Variants in PCDH15 observed in about 807,000 individuals in gnomAD.
The protein encoded by PCDH15 is protocadherin-15.
PCDH15 carries 129 observed loss-of-function variants against 178.5 expected under a neutral mutation model. That is an observed-to-expected ratio of 0.72 (90% CI 0.63 to 0.84). PCDH15 has a LOEUF of 0.84. Ranked by LOEUF, PCDH15 falls within the 40% of genes least tolerant of loss-of-function variation. The pLI is 0.00. For missense variants in PCDH15, 2,230 were observed against 2,099.9 expected, an observed-to-expected ratio of 1.06 and a Z score of -1.21; for synonymous variants, 800 against 732.0, an observed-to-expected ratio of 1.09 and a Z score of -1.50.
chr10:53,995,756 C>G lies in PCDH15; in HGVS notation c.2761G>C (p.Asp921His). ...CGTTTACTAAAGACAGGAGGATAAT[C>G]ATTCATATCCTGTAAAACACAATTA... ...TVTVIVKDMN[D>H]YPPVFSKRIY... Residue 921 changes from aspartate to histidine, a missense_variant, in exon 21 of 38, where the codon GAT (aspartate) becomes CAT (histidine). By Grantham distance (81) the Asp-to-His change is moderately conservative. Transcript: ENST00000644397. 6.2e-7 allele frequency: 1 copy of G among 1,613,418 alleles called. No individual in the cohort carries two copies. The highest frequency in any genetic ancestry group is 8.5e-7 in the Non-Finnish European group (1 of 1,179,436).
chr10:55,560,555 A>G (rs2132098280), intron 2 of PCDH15, among the ~76,000 whole-genome samples: 1 of 152,052 alleles, frequency 6.6e-6, no homozygotes, highest in African/African-American at 2.4e-5. Context: ...TGATTATGAC[A>G]CCATATATCC....
chr10:54,649,201 G>A (rs1240490668), intron 2 of PCDH15, among the ~76,000 whole-genome samples: 1 of 152,156 alleles, frequency 6.6e-6, no homozygotes, highest in Non-Finnish European at 1.5e-5. Flanking sequence ...GAGCAAAGAA[G>A]AGAGGAAATA....
rs529215060 is a variant in PCDH15 at position 54,812,273 on chromosome 10, CT to C, written c.-29+85176del. Among the ~76,000 whole-genome samples, 624 of 134,740 alleles carry C rather than the reference CT, an allele frequency of 4.6e-3. 1 individual carries two copies. Among genetic ancestry groups the C allele is most frequent in the African/African-American group, 0.013 (483 of 36,362 alleles). 88.4% of individuals were successfully genotyped at this position (134,740 alleles called of 152,430 possible). A position where few individuals can be genotyped will look rare whatever the true frequency, so the allele number is the denominator to read the frequency against. On this transcript the variant is annotated intron_variant, in intron 3 of 5. Coordinates refer to the PCDH15 transcript ENST00000458638. The stretch of plus-strand genomic sequence containing the variant: ...TTGCCACCTTCTTCTCTTCCTCTTC[CT>C]TTTTTTTTTTTTTTTTGAGACAGTC...
chr10:54,696,418 T>C (rs1443799640), intron 1 of PCDH15, among the ~76,000 whole-genome samples: 1 of 152,136 alleles, frequency 6.6e-6, no homozygotes, highest in East Asian at 1.9e-4. Context: ...ATAAAATCTA[T>C]TCCTGGTGAA....
At chr10:54,694,703 G>A (rs1048746946) in intron 1 of PCDH15, among the ~76,000 whole-genome samples, 4 of 152,042 alleles carry the variant, frequency 2.6e-5, no homozygotes, top group African/African-American at 9.7e-5. Context: ...CATAGAAGAT[G>A]ATAAACTTAA....
At chr10:54,328,740 A>T (rs566838192) in intron 7 of PCDH15, among the ~76,000 whole-genome samples, 1 of 152,048 alleles carries the variant, frequency 6.6e-6, no homozygotes, top group Non-Finnish European at 1.5e-5. Flanking sequence ...TGGCCATGGT[A>T]CACAAATACC....
At chr10:54,822,009 C>A (rs1450402902) in intron 3 of PCDH15, among the ~76,000 whole-genome samples, 3 of 152,014 alleles carry the variant, frequency 2.0e-5, no homozygotes, top group South Asian at 2.1e-4. Flanking sequence ...ATTTTAATAA[C>A]CTTTTTATGT....
chr10:55,015,152 C>T (rs1840140355), intron 2 of PCDH15, among the ~76,000 whole-genome samples: 1 of 151,972 alleles, frequency 6.6e-6, no homozygotes, highest in Non-Finnish European at 1.5e-5. Context: ...GCCCAGCTAC[C>T]TGGGAGGCTG....
At chr10:53,894,282 C>A (rs1182691524) in intron 26 of PCDH15, among the ~76,000 whole-genome samples, 2 of 152,038 alleles carry the variant, frequency 1.3e-5, no homozygotes, top group Non-Finnish European at 2.9e-5. Flanking sequence ...GGCAATGCAC[C>A]CTCAGACACC....
At chr10:55,508,669 G>T (rs1179241515) in intron 2 of PCDH15, among the ~76,000 whole-genome samples, 2 of 151,658 alleles carry the variant, frequency 1.3e-5, no homozygotes, top group African/African-American at 4.8e-5. Context: ...TTTCTAAACT[G>T]GTTGGGGAAA....
rs1205122509 is a variant in PCDH15, at chr10:53,809,498, T to C, written c.4671+1058A>G. ...GTTACAACTACTTCTTCCTCCTCAC[T>C]AGGCTCTCTAATTTCAACCTTTGGT... On this transcript the variant is annotated intron_variant, in intron 37 of 37. Coordinates refer to ENST00000644397, the MANE Select transcript of PCDH15 (RefSeq NM_001384140.1). The C allele has an allele frequency of 3.1e-6, 5 of 1,613,258 alleles. No individual in the cohort carries two copies. In the South Asian group the frequency reaches 3.3e-5, roughly 11 times the overall value.
chr10:55,345,604 T>C (rs1435866173), intron 2 of PCDH15, among the ~76,000 whole-genome samples: 2 of 152,004 alleles, frequency 1.3e-5, no homozygotes, highest in Admixed American at 1.3e-4. Flanking sequence ...GATAGAAAAA[T>C]CAAATTTTTT....
intron 2 of PCDH15, among the ~76,000 whole-genome samples, chr10:55,076,453 G>C (rs1841890183): frequency 6.7e-6 from 1 of 148,358 alleles, no homozygotes; most frequent in African/African-American, 2.5e-5. Flanking sequence ...TATCTTCTTG[G>C]TGACTCTTTT....
chr10:55,377,439 C>T (rs1034071297), intron 2 of PCDH15, among the ~76,000 whole-genome samples: 1 of 151,720 alleles, frequency 6.6e-6, no homozygotes, highest in Non-Finnish European at 1.5e-5. Context: ...TATTTAAAAA[C>T]AGGAAAATTT....
At chr10:55,234,827 T>A (rs1302473450) in intron 1 of PCDH15, among the ~76,000 whole-genome samples, 1 of 152,124 alleles carries the variant, frequency 6.6e-6, no homozygotes, top group African/African-American at 2.4e-5. Context: ...AGAGTGGTAA[T>A]AAACATTAGT....
intron 2 of PCDH15, among the ~76,000 whole-genome samples, chr10:54,616,890 T>C (rs80248160): frequency 6.6e-6 from 1 of 152,086 alleles, no homozygotes; most frequent in Non-Finnish European, 1.5e-5. Context: ...ATTTAGAAGC[T>C]TATAACTTCT....
intron 2 of PCDH15, among the ~76,000 whole-genome samples, chr10:54,976,424 G>A (rs1045417038): frequency 6.6e-6 from 1 of 152,126 alleles, no homozygotes; most frequent in Non-Finnish European, 1.5e-5. Context: ...CAAAGGCTCA[G>A]ATGTCAGGGT....
At chr10:54,200,780 C>G (rs10825271) in intron 10 of PCDH15, among the ~76,000 whole-genome samples, 47,892 of 151,966 alleles carry the variant, frequency 0.32, 7,998 homozygotes, top group Non-Finnish European at 0.36. Flanking sequence ...TTCCCCTTTT[C>G]TCCCCTACTT....
intron 10 of PCDH15, among the ~76,000 whole-genome samples, chr10:54,197,742 T>C (rs1184108432): frequency 5.9e-5 from 9 of 152,160 alleles, no homozygotes; most frequent in Non-Finnish European, 1.3e-4. Flanking sequence ...TACAGTGATA[T>C]TGGTAGGGAT....
Sources: allele counts gnomAD v4.1 joint callset (sites outside exome capture counted in the v4.1 genomes callset), GRCh38; gene constraint gnomAD v4.1.1; transcripts MANE v1.5; gene names NCBI Gene and HGNC (gene_info 2026-07-23, HGNC 2026-07-21).